RAB40B: variants seen among roughly 807,000 people sequenced by gnomAD.
The protein encoded by RAB40B is RAB40B, member RAS oncogene family.
RAB40B carries 21 observed loss-of-function variants against 24.0 expected under a neutral mutation model. The observed-to-expected ratio is 0.88, with a 90% CI of 0.62 to 1.26. RAB40B has a LOEUF of 1.26. Ranked by LOEUF, RAB40B falls within the 50% of genes most tolerant of loss-of-function variation. The pLI is 0.00. For synonymous variants in RAB40B, 167 were observed against 169.8 expected (o/e 0.98, Z 0.13); for missense variants, 348 against 390.5 (o/e 0.89, Z 0.92).
chr17:82,669,888 A>G (rs1255901070), intron 1 of RAB40B, among the ~76,000 whole-genome samples: 1 of 152,250 alleles, frequency 6.6e-6, no homozygotes, highest in African/African-American at 2.4e-5. Flanking sequence ...ACAATAAATT[A>G]AAAAAGAACA....
rs377473041 is a variant in RAB40B at position 82,660,496 on chromosome 17, C to T, written c.264+491G>A. 4.9e-3 allele frequency among the ~76,000 whole-genome samples: 745 copies of T among 152,142 alleles called. 7 individuals are homozygous for T. Among genetic ancestry groups the T allele is most frequent in the African/African-American group, 0.017 (708 of 41,470 alleles). The stretch of plus-strand genomic sequence containing the variant: ...GTACCTGCACACGTGTACACATACA[C>T]GCACATGCAGGCACTCATGCACAGA... On this transcript the variant is annotated intron_variant, in intron 3 of 5. Coordinates refer to ENST00000571995, the MANE Select transcript of RAB40B (RefSeq NM_006822.3).
chr17:82,658,869 C>T (rs761966529), intron 4 of RAB40B, 156 bp from the exon 5 acceptor site: 45 of 653,882 alleles, frequency 6.9e-5, no homozygotes, highest in Non-Finnish European at 1.0e-4. Context: ...TCTTTGCAGA[C>T]GTAAATAGTT....
intron 2 of RAB40B, among the ~76,000 whole-genome samples, chr17:82,661,661 C>T (rs569498087): frequency 4.6e-5 from 7 of 152,112 alleles, no homozygotes; most frequent in African/African-American, 1.4e-4. Flanking sequence ...CCGAGGCAGG[C>T]GGATCACCCG....
rs2046206552 is a variant in RAB40B at position 82,663,754 on chromosome 17, G to A, written c.203+742C>T. 6.6e-6 allele frequency among the ~76,000 whole-genome samples: 1 copy of A among 152,152 alleles called. No homozygotes were observed. Among genetic ancestry groups the A allele is most frequent in the Admixed American group, 6.5e-5 (1 of 15,280 alleles). ...ACTGAGCCAGGCGTGGGGGACCCAGGAGCCCCGGGCTGCCTCAACCACGCT... is the reference window on the plus strand; with the variant it reads ...ACTGAGCCAGGCGTGGGGGACCCAGAAGCCCCGGGCTGCCTCAACCACGCT... On this transcript the variant is annotated intron_variant, in intron 2 of 5. Coordinates refer to ENST00000571995, the MANE Select transcript of RAB40B (RefSeq NM_006822.3). This position sits in a 1 kb window ranked among gnomAD's most constrained non-coding sequence, Gnocchi z 6.2.
In RAB40B at chr17:82,657,717, T is replaced by G; in HGVS notation, c.*146A>C. ...AAATTCGAAGTCCGACGGGGTAGTG[T>G]GTTTCCATCACACGGAAGGCGTCGC... On this transcript the variant is annotated 3_prime_UTR_variant, in exon 6 of 6. Coordinates refer to ENST00000571995, the MANE Select transcript of RAB40B (RefSeq NM_006822.3). 1 of 973,132 alleles carries G rather than the reference T, an allele frequency of 1.0e-6. No individual in the cohort carries two copies. The highest frequency in any genetic ancestry group is 1.7e-6 in the Non-Finnish European group (1 of 602,898). The allele number at this position is 973,132 out of a possible 1,614,324, so 60.3% of individuals were successfully genotyped here.
intron 1 of RAB40B, among the ~76,000 whole-genome samples, chr17:82,689,898 C>T (rs1432243519): frequency 1.4e-5 from 2 of 146,942 alleles, no homozygotes; most frequent in African/African-American, 2.5e-5. Context: ...ACCCAGGAGG[C>T]GGAGGTTGCA....
chr17:82,665,583 A>G (rs1405179061), intron 1 of RAB40B, among the ~76,000 whole-genome samples: 1 of 152,030 alleles, frequency 6.6e-6, no homozygotes, highest in African/African-American at 2.4e-5. Flanking sequence ...GCTACAATTA[A>G]GGGCTGGATG....
rs1484056758 is a variant in RAB40B at position 82,667,036 on chromosome 17, T to C, written c.143-2480A>G. Among the ~76,000 whole-genome samples, 2 of 152,228 alleles carry C rather than the reference T, an allele frequency of 1.3e-5. No homozygotes were observed. Among genetic ancestry groups the C allele is most frequent in the Non-Finnish European group, 2.9e-5 (2 of 68,028 alleles). Reference sequence around the variant, plus strand: ...CCGAGGCTCGCACCAGACCTCACCCTGGAGACCGTCGTGGAGCACACGGCC... The same window carrying C: ...CCGAGGCTCGCACCAGACCTCACCCCGGAGACCGTCGTGGAGCACACGGCC... On this transcript the variant is annotated intron_variant, in intron 1 of 5. Coordinates refer to ENST00000571995, the MANE Select transcript of RAB40B (RefSeq NM_006822.3). The surrounding 1 kb of genome is among the most constrained non-coding windows in gnomAD (Gnocchi z 4.3).
At chr17:82,685,803 CTTCT>C (rs1451843108) in intron 1 of RAB40B, among the ~76,000 whole-genome samples, 14 of 113,446 alleles carry the variant, frequency 1.2e-4, no homozygotes, top group Admixed American at 4.4e-4. Flanking sequence ...TCTTCTTCTT[CTTCT>C]TTTTTTTTTT....
chr17:82,658,591 G>A lies in RAB40B; in HGVS notation c.465C>T (p.Val155=). 1.9e-6 allele frequency: 3 copies of A among 1,613,516 alleles called. No homozygotes were observed. The highest frequency in any genetic ancestry group is 2.5e-6 in the Non-Finnish European group (3 of 1,179,988). The part of the protein sequence containing the change: ...AERLGVTFFE[V]SPLCNFNITE... Reference sequence around the variant, plus strand: ...TGATGTTGAAATTGCACAGAGGGCTGACCTCAAAGAAGGTCACGCCCAGGC... The same window carrying A: ...TGATGTTGAAATTGCACAGAGGGCTAACCTCAAAGAAGGTCACGCCCAGGC... The change falls in exon 5 of 6, where the codon GTC becomes GTT. Residue 155 remains valine (V), a synonymous_variant. Coordinates refer to ENST00000571995, the MANE Select transcript of RAB40B (RefSeq NM_006822.3).
At chr17:82,680,684 T>C (rs983605300) in intron 1 of RAB40B, among the ~76,000 whole-genome samples, 3 of 152,224 alleles carry the variant, frequency 2.0e-5, no homozygotes, top group East Asian at 1.9e-4. Flanking sequence ...TAATGATATA[T>C]GTAATTTTAA....
At chr17:82,661,548 C>T (rs1048697328) in intron 2 of RAB40B, among the ~76,000 whole-genome samples, 4 of 152,042 alleles carry the variant, frequency 2.6e-5, no homozygotes, top group South Asian at 2.1e-4. Context: ...TGACGGCACA[C>T]GCAGCAGGTA....
intron 1 of RAB40B, among the ~76,000 whole-genome samples, chr17:82,686,108 T>C (rs1376880988): frequency 2.0e-4 from 29 of 145,462 alleles, no homozygotes; most frequent in Middle Eastern, 4.1e-3. Flanking sequence ...AGCCTTCTTT[T>C]TTTTTTTTTT....
rs148904202 is a variant in RAB40B, at chr17:82,674,109, G to A, written c.143-9553C>T. 8.0e-3 allele frequency among the ~76,000 whole-genome samples: 1,215 copies of A among 152,356 alleles called. 18 individuals carry two copies. Among genetic ancestry groups the A allele is most frequent in the African/African-American group, 0.028 (1,158 of 41,570 alleles). On this transcript the variant is annotated intron_variant, in intron 1 of 5. Coordinates refer to ENST00000571995, the MANE Select transcript of RAB40B (RefSeq NM_006822.3). ...TAATCCCAGCACTTTGGGAGGCCGA[G>A]GCGGGCGGATCACCTGAGGTCAGGA...
At chr17:82,677,579 C>G (rs1026996360) in intron 1 of RAB40B, among the ~76,000 whole-genome samples, 2 of 152,224 alleles carry the variant, frequency 1.3e-5, no homozygotes, top group African/African-American at 4.8e-5. Context: ...CGCCGCGTCT[C>G]TGTCCCTGTG....
intron 1 of RAB40B, among the ~76,000 whole-genome samples, chr17:82,665,547 C>G (rs2143475065): frequency 6.6e-6 from 1 of 152,262 alleles, no homozygotes; most frequent in Non-Finnish European, 1.5e-5. Flanking sequence ...AGCCACCATG[C>G]TGGAACACTT....
chr17:82,657,625 A>G lies in RAB40B; in HGVS notation c.*238T>C, dbSNP rs1258735782. 1 of 654,300 alleles carries G rather than the reference A, an allele frequency of 1.5e-6. No homozygotes were observed. The highest frequency in any genetic ancestry group is 3.0e-5 in the East Asian group (1 of 32,866). 40.5% of individuals were successfully genotyped at this position (654,300 alleles called of 1,614,324 possible). On this transcript the variant is annotated 3_prime_UTR_variant, in exon 6 of 6. Transcript: ENST00000571995. ...CAGAATTTCATGTTACCAAGAGTCG[A>G]GCAGAGTACTAATTTTCCCTTTACA...
chr17:82,662,324 C>T, intron 2 of RAB40B: 1 of 985,478 alleles, frequency 1.0e-6, no homozygotes. Context: ...TGCCCAAAAG[C>T]TATGGTCGAG....
intron 2 of RAB40B, chr17:82,661,964 A>T: frequency 1.0e-6 from 1 of 984,550 alleles, no homozygotes; most frequent in South Asian, 4.7e-5. Context: ...TTCCCAGAGG[A>T]GGCGGCCCTG....
Sources: gnomAD v4.1 joint callset for allele counts (sites outside exome capture counted in the v4.1 genomes callset) on GRCh38, gnomAD v4.1.1 for gene constraint, Gnocchi (gnomAD v3.1) non-coding constraint, MANE v1.5 for transcripts, NCBI Gene and HGNC (gene_info 2026-07-23, HGNC 2026-07-21) for gene names.